The following NRG1 variants were observed in gnomAD, a reference collection of about 807,000 sequenced individuals.
NRG1 encodes the protein pro-neuregulin-1, membrane-bound isoform.
In NRG1, 18 loss-of-function variants were observed where a neutral mutation model predicts 63.8. That is an observed-to-expected ratio of 0.28 (90% CI 0.19 to 0.42). NRG1 has a LOEUF of 0.42. Among genes scored for constraint, NRG1 ranks in the 10% least tolerant of loss-of-function variants. The pLI, the probability that NRG1 is intolerant of heterozygous loss-of-function variation, is 1.00. For synonymous variants in NRG1, 302 were observed against 301.3 expected (o/e 1.00, Z -0.02); for missense variants, 762 against 814.7 (o/e 0.94, Z 0.79).
intron 1 of NRG1, among the ~76,000 whole-genome samples, chr8:32,054,070 A>G (rs1822437863): frequency 6.6e-6 from 1 of 152,226 alleles, no homozygotes; most frequent in East Asian, 1.9e-4. Flanking sequence ...TCCTGCAGTT[A>G]CAATTGAAGA....
exon 1 of NRG1, chr8:31,639,309 C>T (rs780695727): frequency 9.3e-5 from 139 of 1,498,042 alleles, no homozygotes; most frequent in Non-Finnish European, 1.2e-4. Flanking sequence ...TTGCAGCACT[C>T]GGGGCGACAG....
chr8:31,859,096 A>T lies in NRG1; in HGVS notation c.37+219665A>T, dbSNP rs1828228793. ...ATTTTGATTAATAAAGATGTGTTTG[A>T]CCCTAGTTATAAAATGATTTAAAAT... On this transcript the variant is annotated intron_variant, in intron 1 of 10. Transcript: ENST00000519301. Among the ~76,000 whole-genome samples the T allele has an allele frequency of 2.6e-5, 4 of 152,170 alleles. No individual in the cohort carries two copies. In the South Asian group the frequency reaches 8.3e-4, roughly 31 times the overall value.
chr8:31,649,527 AG>A (rs1243403528), intron 1 of NRG1, among the ~76,000 whole-genome samples: 1 of 152,180 alleles, frequency 6.6e-6, no homozygotes, highest in East Asian at 1.9e-4. Flanking sequence ...CAGAAAAGAG[AG>A]GTGTTCATTT....
chr8:32,495,803 T>C (rs1205982626), intron 1 of NRG1, among the ~76,000 whole-genome samples: 1 of 152,166 alleles, frequency 6.6e-6, no homozygotes, highest in African/African-American at 2.4e-5. Flanking sequence ...GTTTGGAGTA[T>C]GTCTTTATTA....
chr8:31,843,644 C>T (rs558796281), intron 1 of NRG1, among the ~76,000 whole-genome samples: 33 of 152,250 alleles, frequency 2.2e-4, no homozygotes, highest in African/African-American at 7.5e-4. Context: ...ATTCAATTTG[C>T]TAAGAACCTG....
chr8:32,722,275 C>G (rs1564028074), intron 5 of NRG1, among the ~76,000 whole-genome samples: 1 of 152,036 alleles, frequency 6.6e-6, no homozygotes, highest in Non-Finnish European at 1.5e-5. Context: ...CATGCTAATT[C>G]CTGCTAATTG....
Position 32,120,655 on chromosome 8 carries a change from C to T in NRG1, c.38-475173C>T, listed in dbSNP as rs118054582. Among the ~76,000 whole-genome samples the T allele has an allele frequency of 5.9e-4, 89 of 152,084 alleles. 1 individual carries two copies. The East Asian group carries it at 0.016, about 28-fold the overall frequency. On this transcript the variant is annotated intron_variant, in intron 1 of 10. Transcript: ENST00000519301. ...TTATTATTATAGTGCTGAAGCTCAGCTCATTCTCTCAAGGAGCCTATGGAT... is the reference window on the plus strand; with the variant it reads ...TTATTATTATAGTGCTGAAGCTCAGTTCATTCTCTCAAGGAGCCTATGGAT...
chr8:32,218,178 C>G (rs1845443799), intron 1 of NRG1, among the ~76,000 whole-genome samples: 1 of 152,172 alleles, frequency 6.6e-6, no homozygotes, highest in Non-Finnish European at 1.5e-5. Flanking sequence ...CTAACTCTGT[C>G]TCTGTGCATA....
chr8:32,294,919 A>G (rs2129474411), intron 1 of NRG1, among the ~76,000 whole-genome samples: 1 of 152,312 alleles, frequency 6.6e-6, no homozygotes, highest in South Asian at 2.1e-4. Context: ...CTCAAAACAT[A>G]TCTCAAACAC....
chr8:31,796,412 A>ATTTTTTT (rs1273292685), intron 1 of NRG1, among the ~76,000 whole-genome samples: 4 of 92,644 alleles, frequency 4.3e-5, no homozygotes, highest in Non-Finnish European at 8.8e-5. Context: ...ATGGCGTATA[A>ATTTTTTT]TCTTTTTTTT....
chr8:31,837,256 TAAAC>T (rs1825762153), intron 1 of NRG1, among the ~76,000 whole-genome samples: 1 of 152,172 alleles, frequency 6.6e-6, no homozygotes. Context: ...AATTTTTACA[TAAAC>T]AGATATGCCA....
chr8:32,627,060 T>C (rs1849438877), intron 5 of NRG1, among the ~76,000 whole-genome samples: 1 of 151,636 alleles, frequency 6.6e-6, no homozygotes, highest in African/African-American at 2.4e-5. Context: ...ATATTATTAT[T>C]ATTACTATTT....
At chr8:32,410,058 A>G (rs1352247546) in intron 1 of NRG1, among the ~76,000 whole-genome samples, 1 of 151,994 alleles carries the variant, frequency 6.6e-6, no homozygotes, top group Non-Finnish European at 1.5e-5. Flanking sequence ...CCCACCAACA[A>G]TCAGAGGCAG....
chr8:32,280,153 C>A (rs1415324329), intron 1 of NRG1, among the ~76,000 whole-genome samples: 1 of 152,202 alleles, frequency 6.6e-6, no homozygotes, highest in African/African-American at 2.4e-5. Context: ...GTACAAGTTA[C>A]AGAGTTTTAG....
chr8:32,561,724 A>T (rs1205281373), intron 1 of NRG1, among the ~76,000 whole-genome samples: 1 of 152,132 alleles, frequency 6.6e-6, no homozygotes, highest in Non-Finnish European at 1.5e-5. Context: ...GTTTATCACT[A>T]ACAACCTGAA....
At chr8:32,655,946 G>C (rs981252092) in intron 5 of NRG1, among the ~76,000 whole-genome samples, 1 of 152,086 alleles carries the variant, frequency 6.6e-6, no homozygotes, top group Non-Finnish European at 1.5e-5. Context: ...TGAATCCTAA[G>C]ATTATGTTCA....
At chr8:32,608,757 A>G (rs1020980683) in intron 3 of NRG1, among the ~76,000 whole-genome samples, 6 of 151,882 alleles carry the variant, frequency 4.0e-5, no homozygotes, top group Admixed American at 2.0e-4. Flanking sequence ...GTTTTAACAA[A>G]AGTTACCTAC....
At chr8:31,783,219 T>G (rs974308064) in intron 1 of NRG1, among the ~76,000 whole-genome samples, 1 of 152,188 alleles carries the variant, frequency 6.6e-6, no homozygotes, top group African/African-American at 2.4e-5. Context: ...AAAGAAACTT[T>G]AGGTATCAAA....
chr8:32,032,335 C>T (rs1488110436), intron 1 of NRG1, among the ~76,000 whole-genome samples: 1 of 151,996 alleles, frequency 6.6e-6, no homozygotes, highest in Non-Finnish European at 1.5e-5. Context: ...ACCATCTTAG[C>T]TCACCGCAAT....
Sources: gnomAD v4.1 joint callset for allele counts (sites outside exome capture counted in the v4.1 genomes callset) on GRCh38, gnomAD v4.1.1 for gene constraint, MANE v1.5 for transcripts, NCBI Gene and HGNC (gene_info 2026-07-23, HGNC 2026-07-21) for gene names.